RASSF3: variants seen among roughly 807,000 people sequenced by gnomAD.
RASSF3 encodes ras association domain-containing protein 3.
A neutral mutation model predicts 19.9 loss-of-function variants in RASSF3; 19 were observed. The observed-to-expected ratio is 0.96, with a 90% CI of 0.67 to 1.40. The LOEUF is 1.40. RASSF3 is among the 40% of genes most tolerant of loss of function. RASSF3 has a pLI of 0.00. For missense variants in RASSF3, 306 were observed against 289.8 expected, an observed-to-expected ratio of 1.06 and a Z score of -0.41; for synonymous variants, 110 against 104.2, an observed-to-expected ratio of 1.06 and a Z score of -0.34.
chr12:64,545,454 T>C (rs1375999990), downstream of RASSF3, among the ~76,000 whole-genome samples: 2 of 152,230 alleles, frequency 1.3e-5, no homozygotes, highest in Non-Finnish European at 2.9e-5. Context: ...TATTTTGATA[T>C]TTAATTTATT....
chr12:64,651,185 T>C (rs1871939463), intron 1 of RASSF3, among the ~76,000 whole-genome samples: 1 of 152,034 alleles, frequency 6.6e-6, no homozygotes, highest in South Asian at 2.1e-4. Flanking sequence ...CTCTCTCGTG[T>C]CCCCTCTTTT....
intron 2 of RASSF3, among the ~76,000 whole-genome samples, chr12:64,685,404 C>G (rs901042630): frequency 5.9e-5 from 9 of 152,034 alleles, no homozygotes; most frequent in African/African-American, 2.2e-4. Context: ...GCCACCATGC[C>G]CAGCTAATTT....
chr12:64,612,688 C>T (rs1017299076), intron 1 of RASSF3, among the ~76,000 whole-genome samples: 5 of 152,048 alleles, frequency 3.3e-5, no homozygotes, highest in African/African-American at 1.2e-4. Flanking sequence ...GTTGGCCAGG[C>T]TGGTCTCGAA....
intron 1 of RASSF3, among the ~76,000 whole-genome samples, chr12:64,639,362 ATT>A (rs68054310): frequency 1.4e-5 from 2 of 146,490 alleles, no homozygotes; most frequent in Admixed American, 6.9e-5. Flanking sequence ...CCTAAACTGT[ATT>A]TTTTTTTTTT....
intron 1 of RASSF3, among the ~76,000 whole-genome samples, chr12:64,666,831 A>G (rs1457314782): frequency 6.6e-6 from 1 of 152,216 alleles, no homozygotes; most frequent in Non-Finnish European, 1.5e-5. Context: ...GTGCTGAACA[A>G]ATATTTATTG....
At chr12:64,598,367 T>TAA (rs1870030533) in intron 2 of RASSF3, among the ~76,000 whole-genome samples, 1 of 152,270 alleles carries the variant, frequency 6.6e-6, no homozygotes, top group Non-Finnish European at 1.5e-5. Flanking sequence ...TATAAGGTTT[T>TAA]GAAGGCCAGA....
intron 1 of RASSF3, among the ~76,000 whole-genome samples, chr12:64,626,544 A>G (rs1022471741): frequency 6.6e-6 from 1 of 150,846 alleles, no homozygotes; most frequent in African/African-American, 2.4e-5. Context: ...TTCTAATGGT[A>G]TTAGAATTGT....
downstream of RASSF3, among the ~76,000 whole-genome samples, chr12:64,542,223 G>C (rs777805151): frequency 1.3e-5 from 2 of 152,130 alleles, no homozygotes; most frequent in African/African-American, 2.4e-5. Context: ...AGCCACTCAA[G>C]AGGCTGAGGC....
chr12:64,541,283 G>A (rs1390588855), intron 1 of RASSF3, among the ~76,000 whole-genome samples: 1 of 152,136 alleles, frequency 6.6e-6, no homozygotes, highest in Non-Finnish European at 1.5e-5. Flanking sequence ...ACAGCGCCCG[G>A]CCAATGTTGT....
At chr12:64,616,914 A>T (rs1037700782) in intron 1 of RASSF3, among the ~76,000 whole-genome samples, 2 of 152,140 alleles carry the variant, frequency 1.3e-5, no homozygotes, top group South Asian at 4.1e-4. Flanking sequence ...TCTCCTTAAC[A>T]TGTCGACTCA....
chr12:64,546,384 C>T (rs555513263), downstream of RASSF3, among the ~76,000 whole-genome samples: 1 of 152,108 alleles, frequency 6.6e-6, no homozygotes, highest in Non-Finnish European at 1.5e-5. Context: ...CATTCTCCTG[C>T]CTCAGTCTCC....
At chr12:64,528,331 A>G (rs1868633957), upstream of RASSF3, among the ~76,000 whole-genome samples, 1 of 152,194 alleles carries the variant, frequency 6.6e-6, no homozygotes, top group Non-Finnish European at 1.5e-5. Context: ...CAAAATGTTG[A>G]TTTTAGGTAC....
At chr12:64,684,533 G>A (rs1873270095) in intron 1 of RASSF3, among the ~76,000 whole-genome samples, 1 of 149,982 alleles carries the variant, frequency 6.7e-6, no homozygotes, top group Non-Finnish European at 1.5e-5. Context: ...CACGTTCAAA[G>A]TGATTCTCCT....
At chr12:64,515,016 AT>A (rs1868352809) in intron 1 of RASSF3, among the ~76,000 whole-genome samples, 1 of 112,818 alleles carries the variant, frequency 8.9e-6, no homozygotes, top group Admixed American at 9.0e-5. Context: ...ATAATAAAAC[AT>A]TTTATTTATT....
Position 64,694,857 on chromosome 12 carries a change from C to T in RASSF3, c.662C>T (p.Thr221Ile), listed in dbSNP as rs374075980. 2 of 1,614,226 alleles carry T rather than the reference C, an allele frequency of 1.2e-6. No individual in the cohort carries two copies. The highest frequency in any genetic ancestry group is 4.5e-5 in the East Asian group (2 of 44,886). Residue 221 changes from threonine to isoleucine, a missense_variant, in exon 5 of 5, where the codon ACA (threonine) becomes ATA (isoleucine). Coordinates refer to ENST00000542104, the MANE Select transcript of RASSF3 (RefSeq NM_178169.4). ...EQLQNLKRRY[T>I]AYRQKLEEAL... Reference sequence around the variant, plus strand: ...CTGCAGAACCTGAAGAGGCGCTACACAGCCTACAGGCAGAAGCTGGAAGAA... The same window carrying T: ...CTGCAGAACCTGAAGAGGCGCTACATAGCCTACAGGCAGAAGCTGGAAGAA...
chr12:64,629,531 C>A (rs1289387099), intron 1 of RASSF3, among the ~76,000 whole-genome samples: 1 of 152,128 alleles, frequency 6.6e-6, no homozygotes, highest in African/African-American at 2.4e-5. Flanking sequence ...TTAAACAGAT[C>A]CTAGTAGTCC....
chr12:64,642,351 G>A (rs1038339505), intron 1 of RASSF3, among the ~76,000 whole-genome samples: 1 of 151,780 alleles, frequency 6.6e-6, no homozygotes, highest in Non-Finnish European at 1.5e-5. Context: ...CCTAAGGTCA[G>A]GAGTTCAAGA....
chr12:64,593,759 T>G (rs1422564994), intron 2 of RASSF3, among the ~76,000 whole-genome samples: 1 of 152,068 alleles, frequency 6.6e-6, no homozygotes, highest in Non-Finnish European at 1.5e-5. Context: ...TGCTCCTTTT[T>G]ATTTGAAGGG....
intron 1 of RASSF3, chr12:64,622,377 T>A (rs1870808577): frequency 4.3e-6 from 2 of 460,996 alleles, no homozygotes; most frequent in African/African-American, 2.1e-5. Context: ...ACTTATTTTG[T>A]AAGTATACTA....
Sources: allele counts gnomAD v4.1 joint callset (sites outside exome capture counted in the v4.1 genomes callset), GRCh38; gene constraint gnomAD v4.1.1; transcripts MANE v1.5; gene names NCBI Gene and HGNC (gene_info 2026-07-23, HGNC 2026-07-21).